CACNA2D3: variants seen among roughly 807,000 people sequenced by gnomAD.
The protein encoded by CACNA2D3 is voltage-dependent calcium channel subunit alpha-2/delta-3.
A neutral mutation model predicts 160.6 loss-of-function variants in CACNA2D3; 60 were observed. The observed-to-expected ratio is 0.37, with a 90% CI of 0.30 to 0.46. The LOEUF is 0.46. Among genes scored for constraint, CACNA2D3 ranks in the 20% least tolerant of loss-of-function variants. The pLI, the probability that CACNA2D3 is intolerant of heterozygous loss-of-function variation, is 1.00. For synonymous variants in CACNA2D3, 558 were observed against 492.9 expected (o/e 1.13, Z -1.75); for missense variants, 1,205 against 1,365.0 (o/e 0.88, Z 1.85).
At chr3:54,781,619 G>C (rs1464790749) in intron 13 of CACNA2D3, among the ~76,000 whole-genome samples, 1 of 152,194 alleles carries the variant, frequency 6.6e-6, no homozygotes, top group Non-Finnish European at 1.5e-5. Context: ...TCCTTGCAGT[G>C]AACAATCCAA....
intron 2 of CACNA2D3, among the ~76,000 whole-genome samples, chr3:54,313,325 C>T (rs984987134): frequency 6.6e-6 from 1 of 152,144 alleles, no homozygotes; most frequent in Admixed American, 6.5e-5. Context: ...ATGGCCCTTC[C>T]CCATTGCCAT....
intron 27 of CACNA2D3, among the ~76,000 whole-genome samples, chr3:54,919,444 G>A (rs1165162313): frequency 2.6e-5 from 4 of 152,220 alleles, no homozygotes; most frequent in African/African-American, 4.8e-5. Context: ...GACAATACTG[G>A]AAGTTTAGTT....
intron 29 of CACNA2D3, among the ~76,000 whole-genome samples, chr3:54,978,830 GA>G (rs55702622): frequency 0.2 from 29,864 of 151,990 alleles, 3,025 homozygotes; most frequent in East Asian, 0.29. Flanking sequence ...CTAAATTACA[GA>G]AAAAAACCTT....
intron 2 of CACNA2D3, among the ~76,000 whole-genome samples, chr3:54,205,638 TTGA>T (rs1156975528): frequency 6.6e-6 from 1 of 152,190 alleles, no homozygotes; most frequent in East Asian, 1.9e-4. Flanking sequence ...ATGCCTATAA[TTGA>T]TGATAAGCCA....
chr3:54,544,649 C>T (rs1702033156), intron 5 of CACNA2D3, among the ~76,000 whole-genome samples: 1 of 152,170 alleles, frequency 6.6e-6, no homozygotes, highest in Non-Finnish European at 1.5e-5. Flanking sequence ...CCTCTCATCT[C>T]AGCCTCCCAA....
chr3:54,212,032 T>C (rs1701383096), intron 2 of CACNA2D3, among the ~76,000 whole-genome samples: 1 of 152,046 alleles, frequency 6.6e-6, no homozygotes, highest in Admixed American at 6.6e-5. Context: ...AACCCTGAGA[T>C]ACCTTGAGGA....
intron 5 of CACNA2D3, among the ~76,000 whole-genome samples, chr3:54,542,560 C>A (rs183214616): frequency 3.1e-4 from 47 of 152,240 alleles, no homozygotes; most frequent in African/African-American, 1.1e-3. Context: ...CTGGTGTAAG[C>A]CCAAGAATCC....
intron 11 of CACNA2D3, among the ~76,000 whole-genome samples, chr3:54,665,759 G>A (rs1404129780): frequency 1.3e-5 from 2 of 151,538 alleles, no homozygotes; most frequent in East Asian, 1.9e-4. Context: ...GGGTGGGTGG[G>A]TACATGGATG....
chr3:54,614,004 T>C (rs1489103675), intron 9 of CACNA2D3, among the ~76,000 whole-genome samples: 1 of 152,208 alleles, frequency 6.6e-6, no homozygotes, highest in Non-Finnish European at 1.5e-5. Flanking sequence ...GATTGAGATC[T>C]CTCTCCACTG....
chr3:54,347,898 C>A (rs1273644685), intron 3 of CACNA2D3, among the ~76,000 whole-genome samples: 1 of 152,178 alleles, frequency 6.6e-6, no homozygotes, highest in African/African-American at 2.4e-5. Context: ...GGGCTTGGTA[C>A]ACTGTAGGCT....
rs190688781 is a variant in CACNA2D3, at chr3:54,885,603, A to C, written c.2056+17A>C. 7 of 1,593,050 alleles carry C rather than the reference A, an allele frequency of 4.4e-6. No individual in the cohort carries two copies. In the Admixed American group the frequency reaches 1.0e-4, roughly 23 times the overall value. Reference sequence around the variant, plus strand: ...TGCTCCAGTGTGAGTATGCTTTCAAAAGTGTGCTGTGCCTTCAGGGGTGAT... The same window carrying C: ...TGCTCCAGTGTGAGTATGCTTTCAACAGTGTGCTGTGCCTTCAGGGGTGAT... On this transcript the variant is annotated intron_variant, in intron 23 of 37. Transcript: ENST00000474759.
intron 13 of CACNA2D3, among the ~76,000 whole-genome samples, chr3:54,782,353 C>T (rs982281489): frequency 5.9e-5 from 9 of 152,118 alleles, no homozygotes; most frequent in African/African-American, 2.2e-4. Context: ...GTGGTGATCT[C>T]ATAGAATTGT....
chr3:54,357,100 T>A (rs1179250955), intron 3 of CACNA2D3, among the ~76,000 whole-genome samples: 2 of 152,158 alleles, frequency 1.3e-5, no homozygotes, highest in African/African-American at 4.8e-5. Context: ...TGTGATGTGA[T>A]CAAGGTTATT....
intron 14 of CACNA2D3, among the ~76,000 whole-genome samples, chr3:54,829,985 C>T (rs1424206177): frequency 9.9e-6 from 1 of 100,900 alleles, no homozygotes; most frequent in South Asian, 3.2e-4. Flanking sequence ...ACCTCTGCCT[C>T]CCAGGTTCAA....
chr3:54,411,183 T>C (rs1488264433), intron 4 of CACNA2D3, among the ~76,000 whole-genome samples: 1 of 152,182 alleles, frequency 6.6e-6, no homozygotes, highest in Non-Finnish European at 1.5e-5. Flanking sequence ...CTACTCCCAG[T>C]AAAGATGCTG....
chr3:55,052,460 A>G (rs1035821630), intron 35 of CACNA2D3, among the ~76,000 whole-genome samples: 3 of 150,808 alleles, frequency 2.0e-5, no homozygotes, highest in Non-Finnish European at 3.0e-5. Flanking sequence ...GTGTGTGTAT[A>G]TATATATATA....
chr3:54,463,904 A>C (rs1193115391), intron 4 of CACNA2D3, among the ~76,000 whole-genome samples: 1 of 151,862 alleles, frequency 6.6e-6, no homozygotes, highest in African/African-American at 2.4e-5. Flanking sequence ...TTGTGGTTTT[A>C]TCTACTTTTG....
At chr3:54,251,206 G>A (rs1702183491) in intron 2 of CACNA2D3, among the ~76,000 whole-genome samples, 1 of 152,088 alleles carries the variant, frequency 6.6e-6, no homozygotes, top group Admixed American at 6.6e-5. Context: ...AAGAGGGATG[G>A]GGTGATATTG....
At chr3:54,145,297 C>G (rs1199033366) in intron 2 of CACNA2D3, among the ~76,000 whole-genome samples, 1 of 152,120 alleles carries the variant, frequency 6.6e-6, no homozygotes, top group East Asian at 1.9e-4. Context: ...TTTGCAGATG[C>G]GAAGTTGCGC....
Sources: gnomAD v4.1 joint callset for allele counts (sites outside exome capture counted in the v4.1 genomes callset) on GRCh38, gnomAD v4.1.1 for gene constraint, MANE v1.5 for transcripts, NCBI Gene and HGNC (gene_info 2026-07-23, HGNC 2026-07-21) for gene names.